The following FAM78A variants were observed in gnomAD, a reference collection of about 807,000 sequenced individuals.
The protein encoded by FAM78A is family with sequence similarity 78 member A.
In FAM78A, 12 loss-of-function variants were observed where a neutral mutation model predicts 22.6. The ratio of observed to expected loss-of-function variants is 0.53; its 90% CI spans 0.34 to 0.86. The LOEUF (loss-of-function observed/expected upper bound fraction) is 0.86, where lower values mean the gene tolerates loss of function less well. Among genes scored for constraint, FAM78A ranks in the 40% least tolerant of loss-of-function variants. FAM78A has a pLI of 0.02. For missense variants in FAM78A, 322 were observed against 396.1 expected, an observed-to-expected ratio of 0.81 and a Z score of 1.59; for synonymous variants, 151 against 155.8, an observed-to-expected ratio of 0.97 and a Z score of 0.23.
rs778453286 is a variant in FAM78A at position 131,276,125 on chromosome 9, A to G, written c.55T>C (p.Tyr19His). 3.0e-5 allele frequency: 49 copies of G among 1,613,576 alleles called. No individual in the cohort carries two copies. Among genetic ancestry groups the G allele is most frequent in the Non-Finnish European group, 8.5e-7 (1 of 1,180,018 alleles). Residue 19 changes from tyrosine (Y) to histidine (H), a missense_variant, in exon 1 of 2, where the codon TAT becomes CAT. Transcript: ENST00000372271. This position sits in a 1 kb window ranked among gnomAD's most constrained non-coding sequence, Gnocchi z 4.3. ...WPSLEIRALLYAMGCIQSIGG... is the reference protein window; with the variant it reads ...WPSLEIRALLHAMGCIQSIGG... ...ATGCTCTGAATACAGCCCATGGCAT[A>G]CAGGAGCGCTCTGATCTCCAGGGAA...
At chr9:131,263,998 G>C (rs1835308703) in intron 1 of FAM78A, 1 of 152,454 alleles carries the variant, frequency 6.6e-6, no homozygotes, top group Non-Finnish European at 1.5e-5. Flanking sequence ...CACAGATGGA[G>C]AAGCGGGTCA....
At chr9:131,273,709 T>C (rs1224642446) in intron 1 of FAM78A, among the ~76,000 whole-genome samples, 2 of 152,004 alleles carry the variant, frequency 1.3e-5, no homozygotes, top group Non-Finnish European at 2.9e-5. Context: ...AGAATAACAG[T>C]AACAATCACA....
intron 1 of FAM78A, among the ~76,000 whole-genome samples, chr9:131,270,848 C>T (rs1835410469): frequency 6.6e-6 from 1 of 152,158 alleles, no homozygotes; most frequent in Non-Finnish European, 1.5e-5. Flanking sequence ...GCTGTGACCA[C>T]ATCATAAAAT....
intron 1 of FAM78A, among the ~76,000 whole-genome samples, chr9:131,273,055 C>T (rs1385062974): frequency 6.6e-6 from 1 of 152,210 alleles, no homozygotes; most frequent in Non-Finnish European, 1.5e-5. Flanking sequence ...CTCCATGAGC[C>T]CTTCAAGGGT....
rs893350032 is a variant in FAM78A at position 131,272,625 on chromosome 9, C to A, written c.323+3232G>T. ...GGAAGTCATCACAGGAGGCCTGGGG[C>A]AGGGGAGACAGGAAGGGGGTTTTAA... On this transcript the variant is annotated intron_variant, in intron 1 of 1. Transcript: ENST00000372271. This position sits in a 1 kb window ranked among gnomAD's most constrained non-coding sequence, Gnocchi z 4.1. Among the ~76,000 whole-genome samples, 1 of 152,154 alleles carries A rather than the reference C, an allele frequency of 6.6e-6. No homozygotes were observed. The highest frequency in any genetic ancestry group is 1.5e-5 in the Non-Finnish European group (1 of 68,028).
At chr9:131,280,709 G>A (rs1362937338), upstream of FAM78A, among the ~76,000 whole-genome samples, 1 of 152,224 alleles carries the variant, frequency 6.6e-6, no homozygotes, top group South Asian at 2.1e-4. Flanking sequence ...CAGCAAGTCA[G>A]AAGTAGAAAC....
chr9:131,261,471 G>T lies in FAM78A; in HGVS notation c.324-121C>A. Reference sequence around the variant, plus strand: ...TGGAACGGACCCAGCAGACCACCCGGTCCCCTTTGACGTTCTGGGGGCAGG... The same window carrying T: ...TGGAACGGACCCAGCAGACCACCCGTTCCCCTTTGACGTTCTGGGGGCAGG... On this transcript the variant is annotated intron_variant, in intron 1 of 1. Transcript: ENST00000372271. The surrounding 1 kb of genome is among the most constrained non-coding windows in gnomAD (Gnocchi z 7.1). The T allele has an allele frequency of 2.1e-6, 2 of 936,510 alleles. No homozygotes were observed. Among genetic ancestry groups the T allele is most frequent in the South Asian group, 1.8e-5 (1 of 55,532 alleles). The allele number at this position is 936,510 out of a possible 1,614,324, so 58.0% of individuals were successfully genotyped here. A position where few individuals can be genotyped will look rare whatever the true frequency, so the allele number is the denominator to read the frequency against.
chr9:131,260,651 AGCAGGT>A lies in FAM78A; in HGVS notation c.*165_*170del. ...TAGATCTCCCCTCTCCCTGAAAGGA[AGCAGGT>A]GCCGAGAGCCGGGGAGGCCTTCCCG... is the stretch of plus-strand genomic sequence containing the variant. On this transcript the variant is annotated 3_prime_UTR_variant, in exon 2 of 2. Coordinates refer to ENST00000372271, the MANE Select transcript of FAM78A (RefSeq NM_033387.4). This position sits in a 1 kb window ranked among gnomAD's most constrained non-coding sequence, Gnocchi z 5.4. The A allele has an allele frequency of 1.5e-6, 1 of 671,464 alleles. No individual in the cohort carries two copies. Among genetic ancestry groups the A allele is most frequent in the South Asian group, 2.6e-5 (1 of 37,984 alleles). The allele number at this position is 671,464 out of a possible 1,614,324, so 41.6% of individuals were successfully genotyped here. A position where few individuals can be genotyped will look rare whatever the true frequency, so the allele number is the denominator to read the frequency against.
At chr9:131,264,776 T>C in intron 1 of FAM78A, 1 of 589,872 alleles carries the variant, frequency 1.7e-6, no homozygotes, top group South Asian at 2.1e-5. Flanking sequence ...CAGGCTGGAG[T>C]GCAGTGGCGG....
rs1050322442 is a variant in FAM78A at position 131,258,297 on chromosome 9, C to T, written c.*2525G>A. 2.6e-5 allele frequency: 4 copies of T among 152,726 alleles called. No homozygotes were observed. The highest frequency in any genetic ancestry group is 1.9e-4 in the East Asian group (1 of 5,168). 9.5% of individuals were successfully genotyped at this position (152,726 alleles called of 1,614,324 possible). On this transcript the variant is annotated 3_prime_UTR_variant, in exon 2 of 2. Coordinates refer to ENST00000372271, the MANE Select transcript of FAM78A (RefSeq NM_033387.4). Reference sequence around the variant, plus strand: ...CGGGGCTGGAGGACATAAGAAGAATCGGGGCCCTGGCAGGAAGCCTGGGGC... The same window carrying T: ...CGGGGCTGGAGGACATAAGAAGAATTGGGGCCCTGGCAGGAAGCCTGGGGC...
At chr9:131,277,739 C>T (rs1397250936), upstream of FAM78A, among the ~76,000 whole-genome samples, 45 of 151,244 alleles carry the variant, frequency 3.0e-4, no homozygotes, top group Admixed American at 3.0e-3. This position sits in a 1 kb window ranked among gnomAD's most constrained non-coding sequence, Gnocchi z 8.4. Flanking sequence ...GGGGGGCGGC[C>T]GGGGGCGGAG....
chr9:131,276,758 C>G (rs1174902495), upstream of FAM78A, among the ~76,000 whole-genome samples: 1 of 151,220 alleles, frequency 6.6e-6, no homozygotes, highest in Non-Finnish European at 1.5e-5. The surrounding 1 kb of genome is among the most constrained non-coding windows in gnomAD (Gnocchi z 4.3). Flanking sequence ...GCTCAGGGCT[C>G]CGGCCGCTCG....
At chr9:131,271,001 CTTTTT>C (rs60077536) in intron 1 of FAM78A, among the ~76,000 whole-genome samples, 2 of 70,372 alleles carry the variant, frequency 2.8e-5, no homozygotes, top group Non-Finnish European at 3.5e-5. Flanking sequence ...TCCCACCAGT[CTTTTT>C]TTTTTTTTTT....
chr9:131,275,421 TGG>T lies in FAM78A; in HGVS notation c.323+434_323+435del, dbSNP rs1012872762. Among the ~76,000 whole-genome samples, 6 of 152,208 alleles carry T rather than the reference TGG, an allele frequency of 3.9e-5. No homozygotes were observed. Among genetic ancestry groups the T allele is most frequent in the African/African-American group, 1.4e-4 (6 of 41,460 alleles). Reference sequence around the variant, plus strand: ...TCGCAAAGCCCTGAACACACCGGTCTGGGAGTTGCAGAGTGCCTGAATGTCTG... The same window carrying T: ...TCGCAAAGCCCTGAACACACCGGTCTGAGTTGCAGAGTGCCTGAATGTCTG... On this transcript the variant is annotated intron_variant, in intron 1 of 1. Transcript: ENST00000372271. The surrounding 1 kb of genome is among the most constrained non-coding windows in gnomAD (Gnocchi z 4.6).
intron 1 of FAM78A, chr9:131,270,375 A>C (rs1290526859): frequency 4.2e-6 from 3 of 717,362 alleles, no homozygotes; most frequent in Non-Finnish European, 7.8e-6. Context: ...TTTTCAATGC[A>C]CCCAACTCCA....
intron 1 of FAM78A, among the ~76,000 whole-genome samples, chr9:131,266,576 G>A (rs1308719280): frequency 6.6e-6 from 1 of 151,702 alleles, no homozygotes; most frequent in Non-Finnish European, 1.5e-5. Flanking sequence ...CAGCTCTGCA[G>A]CCACCACCCC....
At position 131,274,341 on chromosome 9, in the gene FAM78A, C is replaced by T. The variant is rs1405454512; in HGVS notation, c.323+1516G>A. 6.6e-6 allele frequency among the ~76,000 whole-genome samples: 1 copy of T among 152,026 alleles called. No individual in the cohort carries two copies. The highest frequency in any genetic ancestry group is 6.5e-5 in the Admixed American group (1 of 15,282). On this transcript the variant is annotated intron_variant, in intron 1 of 1. Transcript: ENST00000372271. This position sits in a 1 kb window ranked among gnomAD's most constrained non-coding sequence, Gnocchi z 4.2. ...GAAAACTTTTGTTTCTACAACTGTC[C>T]CGATGCCTTCAAAGCCCGAGGAGGT...
chr9:131,264,327 C>G, intron 1 of FAM78A: 2 of 484,988 alleles, frequency 4.1e-6, no homozygotes, highest in East Asian at 6.9e-5. Context: ...TGAGGAGCCT[C>G]CCAGGCTGGC....
In FAM78A at chr9:131,274,606, T is replaced by C. The variant is rs933866253; in HGVS notation, c.323+1251A>G. ...CACACGCTGGACTTAAGGGTTACTG[T>C]GATCCTCATGTTTCCTTTAGAACTT... On this transcript the variant is annotated intron_variant, in intron 1 of 1. Transcript: ENST00000372271. The surrounding 1 kb of genome is among the most constrained non-coding windows in gnomAD (Gnocchi z 4.2). Among the ~76,000 whole-genome samples the C allele has an allele frequency of 6.6e-6, 1 of 152,224 alleles. No individual in the cohort carries two copies. The highest frequency in any genetic ancestry group is 2.4e-5 in the African/African-American group (1 of 41,458).
Sources: gnomAD v4.1 joint callset for allele counts (sites outside exome capture counted in the v4.1 genomes callset) on GRCh38, gnomAD v4.1.1 for gene constraint, Gnocchi (gnomAD v3.1) non-coding constraint, MANE v1.5 for transcripts, NCBI Gene and HGNC (gene_info 2026-07-23, HGNC 2026-07-21) for gene names.